The following DAB1 variants were observed in gnomAD, a reference collection of about 807,000 sequenced individuals.
DAB1 encodes the protein disabled homolog 1.
A neutral mutation model predicts 64.6 loss-of-function variants in DAB1; 15 were observed. The ratio of observed to expected loss-of-function variants is 0.23; its 90% CI spans 0.16 to 0.36. The LOEUF (loss-of-function observed/expected upper bound fraction) is 0.36, where lower values mean the gene tolerates loss of function less well. DAB1 is among the 10% of genes least tolerant of loss of function. The probability of loss-of-function intolerance (pLI) is 1.00; values close to 1 mark genes in which losing one functional copy is unlikely to be tolerated. For synonymous variants in DAB1, 235 were observed against 251.9 expected, an observed-to-expected ratio of 0.93 and a Z score of 0.64; for missense variants, 596 against 706.7, an observed-to-expected ratio of 0.84 and a Z score of 1.78.
intron 6 of DAB1, among the ~76,000 whole-genome samples, chr1:57,653,727 C>T (rs2101658474): frequency 6.6e-6 from 1 of 152,328 alleles, no homozygotes. Context: ...ACTCTCCTGC[C>T]TCAGCCTCCC....
Position 57,826,737 on chromosome 1 carries a change from G to A in DAB1, n.88-282C>T, listed in dbSNP as rs533254652. The stretch of plus-strand genomic sequence containing the variant: ...AATAAATGTCCCCAGAGCAATACTG[G>A]CAGCAGCTGGCAGGAGATGGCACTG... On this transcript the variant is annotated intron_variant and non_coding_transcript_variant, in intron 1 of 1. Transcript: ENST00000477280. 1.4e-4 allele frequency among the ~76,000 whole-genome samples: 21 copies of A among 152,336 alleles called. No individual in the cohort carries two copies. The South Asian group carries it at 4.4e-3, about 32-fold the overall frequency.
chr1:58,055,992 C>T, intron 5 of DAB1: 1 of 672,976 alleles, frequency 1.5e-6, no homozygotes, highest in South Asian at 1.7e-5. Context: ...CCTGCCTCGG[C>T]CTCACACAGT....
intron 4 of DAB1, among the ~76,000 whole-genome samples, chr1:57,131,318 G>A (rs1420682967): frequency 6.6e-6 from 1 of 152,088 alleles, no homozygotes; most frequent in African/African-American, 2.4e-5. Context: ...TATAAAAGGG[G>A]GATAATAAAA....
At chr1:58,285,605 T>C (rs927095603) in intron 4 of DAB1, among the ~76,000 whole-genome samples, 1 of 152,076 alleles carries the variant, frequency 6.6e-6, no homozygotes, top group African/African-American at 2.4e-5. Flanking sequence ...GGAATACACC[T>C]AACAAGGGAA....
intron 7 of DAB1, among the ~76,000 whole-genome samples, chr1:57,606,989 T>C (rs1645662711): frequency 6.6e-6 from 1 of 151,418 alleles, no homozygotes; most frequent in Non-Finnish European, 1.5e-5. Flanking sequence ...GTGTCACCAT[T>C]TTGGCCAGGC....
intron 2 of DAB1, among the ~76,000 whole-genome samples, chr1:57,184,819 G>C (rs197109): frequency 0.63 from 95,557 of 151,868 alleles, 30,976 homozygotes; most frequent in African/African-American, 0.79. Context: ...TTTTCATGAT[G>C]CATTTCAAAC....
At chr1:57,447,109 G>A (rs945690885) in intron 7 of DAB1, among the ~76,000 whole-genome samples, 1 of 152,184 alleles carries the variant, frequency 6.6e-6, no homozygotes, top group Non-Finnish European at 1.5e-5. Flanking sequence ...GTAACTCACA[G>A]AATAATGGAA....
At chr1:57,462,736 A>G (rs1686827761) in intron 7 of DAB1, among the ~76,000 whole-genome samples, 1 of 152,186 alleles carries the variant, frequency 6.6e-6, no homozygotes, top group African/African-American at 2.4e-5. Flanking sequence ...TTTGAACTTA[A>G]GAGTTTTTCA....
chr1:57,159,856 C>CAAAAAAAAAAAAAAAAAA (rs398049302), intron 2 of DAB1, among the ~76,000 whole-genome samples: 23 of 86,334 alleles, frequency 2.7e-4, no homozygotes, highest in Non-Finnish European at 3.6e-4. Flanking sequence ...AGCAGCAAGA[C>CAAAAAAAAAAAAAAAAAA]AAAAAAAAAA....
chr1:57,665,822 T>C (rs1193864405), intron 6 of DAB1, among the ~76,000 whole-genome samples: 1 of 151,190 alleles, frequency 6.6e-6, no homozygotes, highest in Admixed American at 6.6e-5. Context: ...GATTGGTTTT[T>C]TTTTTCTTCC....
intron 4 of DAB1, among the ~76,000 whole-genome samples, chr1:58,153,917 TC>T (rs1557674038): frequency 2.7e-5 from 4 of 149,794 alleles, no homozygotes; most frequent in South Asian, 2.2e-4. Flanking sequence ...ACACCAGGAC[TC>T]CCCCCAAAAC....
chr1:57,810,725 C>T (rs1651580081), intron 6 of DAB1, among the ~76,000 whole-genome samples: 1 of 152,188 alleles, frequency 6.6e-6, no homozygotes, highest in Non-Finnish European at 1.5e-5. Flanking sequence ...TCCTGTACTT[C>T]CCTAAAAGTA....
At chr1:57,360,578 T>C (rs941397647) in intron 1 of DAB1, among the ~76,000 whole-genome samples, 1 of 152,158 alleles carries the variant, frequency 6.6e-6, no homozygotes, top group African/African-American at 2.4e-5. Context: ...GTAAAGGGTC[T>C]CTAGGGAATT....
At chr1:57,639,492 G>A (rs1277493423) in intron 7 of DAB1, among the ~76,000 whole-genome samples, 1 of 152,086 alleles carries the variant, frequency 6.6e-6, no homozygotes, top group African/African-American at 2.4e-5. Context: ...TTTAAGCAGA[G>A]GAGTCGCCTT....
chr1:57,131,436 T>C (rs1283056987), intron 4 of DAB1, among the ~76,000 whole-genome samples: 1 of 152,228 alleles, frequency 6.6e-6, no homozygotes, highest in Non-Finnish European at 1.5e-5. Flanking sequence ...TTGAGAGTCC[T>C]GTGCACTGTC....
chr1:58,130,452 T>C (rs1198856214), intron 5 of DAB1, among the ~76,000 whole-genome samples: 1 of 152,090 alleles, frequency 6.6e-6, no homozygotes, highest in Non-Finnish European at 1.5e-5. Flanking sequence ...ATTTAGTCCA[T>C]TTACAATTAA....
intron 7 of DAB1, among the ~76,000 whole-genome samples, chr1:57,615,958 A>G (rs999232480): frequency 2.6e-5 from 4 of 152,174 alleles, no homozygotes; most frequent in Non-Finnish European, 5.9e-5. Context: ...AGTGCTGTAA[A>G]TACCCACAGA....
At chr1:57,729,882 G>A (rs1373854067) in intron 6 of DAB1, among the ~76,000 whole-genome samples, 1 of 152,118 alleles carries the variant, frequency 6.6e-6, no homozygotes, top group Non-Finnish European at 1.5e-5. Flanking sequence ...GCACCATAGT[G>A]AGACCCCATC....
chr1:58,299,485 A>G (rs918824321), intron 4 of DAB1, among the ~76,000 whole-genome samples: 3 of 152,250 alleles, frequency 2.0e-5, no homozygotes, highest in Non-Finnish European at 4.4e-5. Flanking sequence ...TTTATGGCAT[A>G]CAAGCATAGG....
Sources: allele counts gnomAD v4.1 joint callset (sites outside exome capture counted in the v4.1 genomes callset), GRCh38; gene constraint gnomAD v4.1.1; transcripts MANE v1.5; gene names NCBI Gene and HGNC (gene_info 2026-07-23, HGNC 2026-07-21).